Variants in TRPS1 observed in about 807,000 individuals in gnomAD.
The protein encoded by TRPS1 is transcriptional repressor GATA binding 1, also known as zinc finger transcription factor Trps1.
TRPS1 carries 6 observed loss-of-function variants against 101.2 expected under a neutral mutation model. That is an observed-to-expected ratio of 0.06 (90% CI 0.03 to 0.12). TRPS1 has a LOEUF of 0.12. Among genes scored for constraint, TRPS1 ranks in the 10% least tolerant of loss-of-function variants. The pLI, the probability that TRPS1 is intolerant of heterozygous loss-of-function variation, is 1.00. For synonymous variants in TRPS1, 578 were observed against 589.8 expected (o/e 0.98, Z 0.29); for missense variants, 1,363 against 1,567.0 (o/e 0.87, Z 2.20).
At chr8:115,482,163 G>A (rs1814769794) in intron 5 of TRPS1, among the ~76,000 whole-genome samples, 2 of 152,124 alleles carry the variant, frequency 1.3e-5, no homozygotes, top group Admixed American at 1.3e-4. Context: ...CATTAGCTTT[G>A]CTCTTTGAAT....
rs1010075659 is a variant in TRPS1, at chr8:115,408,817, T to A, written c.*5206A>T. 1 of 152,262 alleles carries A rather than the reference T, an allele frequency of 6.6e-6. No individual in the cohort carries two copies. The highest frequency in any genetic ancestry group is 2.4e-5 in the African/African-American group (1 of 41,348). 9.4% of individuals were successfully genotyped at this position (152,262 alleles called of 1,614,324 possible). A position where few individuals can be genotyped will look rare whatever the true frequency, so the allele number is the denominator to read the frequency against. ...AATTTTACATTGGCATTTTGAGATG[T>A]TCCCCCCTCATGCCTCCCCCAAAGT... On this transcript the variant is annotated 3_prime_UTR_variant, in exon 7 of 7. Coordinates refer to ENST00000395715, the MANE Select transcript of TRPS1 (RefSeq NM_014112.5).
chr8:115,603,968 C>T lies in TRPS1; in HGVS notation c.2001G>A (p.Ser667=), dbSNP rs766238512. The T allele has an allele frequency of 9.3e-6, 15 of 1,613,972 alleles. No homozygotes were observed. The highest frequency in any genetic ancestry group is 1.6e-4 in the Middle Eastern group (1 of 6,062). The change falls in exon 4 of 7, where the codon TCG becomes TCA. Residue 667 remains serine (S), a synonymous_variant. Coordinates refer to ENST00000395715, the MANE Select transcript of TRPS1 (RefSeq NM_014112.5). ...TTTCCTTGACAGACTGCTGCCCATC[C>T]GATCCTTGCAGGTGATTTGCTTCTT... ...VKQEANHLQG[S]DGQQSVKESK...
chr8:115,649,827 C>A (rs1240135399), intron 1 of TRPS1, among the ~76,000 whole-genome samples: 1 of 152,186 alleles, frequency 6.6e-6, no homozygotes, highest in Non-Finnish European at 1.5e-5. Flanking sequence ...TCCTTCCCAT[C>A]ATTAAAGGGC....
intron 5 of TRPS1, among the ~76,000 whole-genome samples, chr8:115,498,949 C>A (rs1274638479): frequency 1.3e-5 from 2 of 152,052 alleles, no homozygotes; most frequent in African/African-American, 4.8e-5. Context: ...TGGAAAGGTT[C>A]ATTGATCCTT....
chr8:115,546,617 C>A (rs1466541927), intron 5 of TRPS1, among the ~76,000 whole-genome samples: 1 of 151,266 alleles, frequency 6.6e-6, no homozygotes, highest in Non-Finnish European at 1.5e-5. Context: ...CACACAGAGC[C>A]ACGGAGGTTT....
intron 5 of TRPS1, among the ~76,000 whole-genome samples, chr8:115,456,946 G>C (rs978863883): frequency 1.3e-5 from 2 of 152,038 alleles, no homozygotes; most frequent in Non-Finnish European, 2.9e-5. Flanking sequence ...TTCCACTAAT[G>C]AGAAAACTAA....
chr8:115,541,548 A>AT (rs1346885872), intron 5 of TRPS1, among the ~76,000 whole-genome samples: 2 of 152,352 alleles, frequency 1.3e-5, no homozygotes, highest in East Asian at 3.9e-4. Context: ...AAACTCAATA[A>AT]TTAAAAATTA....
In TRPS1 at chr8:115,619,505, T is replaced by C; in HGVS notation, c.593A>G (p.Lys198Arg). 2 of 1,614,202 alleles carry C rather than the reference T, an allele frequency of 1.2e-6. No homozygotes were observed. The highest frequency in any genetic ancestry group is 1.7e-6 in the Non-Finnish European group (2 of 1,180,040). The stretch of plus-strand genomic sequence containing the variant: ...CCCATCTGAAGGCACTTGTGGGTTT[T>C]TTGAGGCCACTGAAACTGGGCTCAA... ...QGLSPVSVAS[K>R]NPQVPSDGGV... Residue 198 changes from lysine (K) to arginine (R), a missense_variant, in exon 3 of 7, where the codon AAA (lysine) becomes AGA (arginine). By Grantham distance (26) the Lys-to-Arg change is conservative (BLOSUM62 2). Transcript: ENST00000395715.
chr8:115,584,294 C>T (rs1817517347), intron 5 of TRPS1, among the ~76,000 whole-genome samples: 1 of 151,852 alleles, frequency 6.6e-6, no homozygotes, highest in Admixed American at 6.6e-5. Flanking sequence ...TATTAATATA[C>T]TTGCTCTATT....
In TRPS1 at chr8:115,450,509, G is replaced by A. The variant is rs756495140; in HGVS notation, c.2701-32057C>T. Among the ~76,000 whole-genome samples the A allele has an allele frequency of 5.9e-5, 9 of 151,636 alleles. 1 individual carries two copies. The Middle Eastern group carries it at 0.014, about 231-fold the overall frequency. ...CTTAAACGAAATCACTAGCTAATGC[G>A]CTGACTCTTTTTTTAAAAAAAAAAA... On this transcript the variant is annotated intron_variant, in intron 5 of 6. Coordinates refer to ENST00000395715, the MANE Select transcript of TRPS1 (RefSeq NM_014112.5).
chr8:115,523,305 A>G (rs1317002997), intron 5 of TRPS1, among the ~76,000 whole-genome samples: 3 of 151,990 alleles, frequency 2.0e-5, no homozygotes, highest in Non-Finnish European at 4.4e-5. Context: ...AGGGATCCAG[A>G]AAAAATAGTG....
intron 5 of TRPS1, among the ~76,000 whole-genome samples, chr8:115,486,114 T>C (rs1814873095): frequency 6.6e-6 from 1 of 152,202 alleles, no homozygotes; most frequent in Admixed American, 6.5e-5. Context: ...CAACAGCACG[T>C]GCTCACTTCA....
At chr8:115,428,661 C>G (rs1290666150) in intron 5 of TRPS1, among the ~76,000 whole-genome samples, 1 of 152,124 alleles carries the variant, frequency 6.6e-6, no homozygotes, top group Non-Finnish European at 1.5e-5. Flanking sequence ...TTAAATACTT[C>G]ACAGACTATC....
At chr8:115,612,205 A>G (rs574895580) in intron 3 of TRPS1, among the ~76,000 whole-genome samples, 1 of 152,086 alleles carries the variant, frequency 6.6e-6, no homozygotes, top group South Asian at 2.1e-4. Context: ...GAAGGAAATA[A>G]AAACAGAAGA....
intron 3 of TRPS1, among the ~76,000 whole-genome samples, chr8:115,608,077 G>A (rs2721932): frequency 0.69 from 105,412 of 152,070 alleles, 38,050 homozygotes; most frequent in African/African-American, 0.89. Context: ...GTGCCTACAC[G>A]TTCATAGAAT....
chr8:115,414,458 A>G lies in TRPS1; in HGVS notation c.3450T>C (p.Pro1150=), dbSNP rs1812864013. ...TGGGATAAGGCACATAGTTTTGGCA[A>G]GGATTTGGTAGGCCAGGCACGTGAC... ...YLSHVPGLPN[P]CQNYVPYPTF... The change falls in exon 7 of 7, where the codon CCT becomes CCC. Residue 1150 remains proline (P), a synonymous_variant. Transcript: ENST00000395715. This position sits in a 1 kb window ranked among gnomAD's most constrained non-coding sequence, Gnocchi z 4.8. 1 of 1,613,866 alleles carries G rather than the reference A, an allele frequency of 6.2e-7. No individual in the cohort carries two copies. The highest frequency in any genetic ancestry group is 1.1e-5 in the South Asian group (1 of 91,094).
At chr8:115,652,666 C>G (rs1811586481) in intron 1 of TRPS1, among the ~76,000 whole-genome samples, 1 of 152,178 alleles carries the variant, frequency 6.6e-6, no homozygotes, top group South Asian at 2.1e-4. Flanking sequence ...CATGTATAAG[C>G]TACAGAATTG....
At chr8:115,560,209 A>T (rs1210681623) in intron 5 of TRPS1, among the ~76,000 whole-genome samples, 1 of 152,130 alleles carries the variant, frequency 6.6e-6, no homozygotes, top group Non-Finnish European at 1.5e-5. Flanking sequence ...CAAAATCTAA[A>T]AAGGCTATTC....
intron 5 of TRPS1, among the ~76,000 whole-genome samples, chr8:115,581,979 G>C (rs1185911963): frequency 1.3e-5 from 2 of 152,160 alleles, no homozygotes; most frequent in Non-Finnish European, 2.9e-5. Flanking sequence ...CTCAGGCAAA[G>C]AAAATATCAA....
Sources: allele counts gnomAD v4.1 joint callset (sites outside exome capture counted in the v4.1 genomes callset), GRCh38; gene constraint gnomAD v4.1.1; non-coding constraint Gnocchi (gnomAD v3.1); transcripts MANE v1.5; gene names NCBI Gene and HGNC (gene_info 2026-07-23, HGNC 2026-07-21).